RAI14: variants seen among roughly 807,000 people sequenced by gnomAD.
RAI14 encodes the protein ankycorbin.
Under a neutral mutation model 115.4 loss-of-function variants are expected in RAI14, and 45 were observed. The ratio of observed to expected loss-of-function variants is 0.39; its 90% CI spans 0.31 to 0.50. The LOEUF is 0.50. Among genes scored for constraint, RAI14 ranks in the 20% least tolerant of loss-of-function variants. The probability of loss-of-function intolerance (pLI) is 0.85; values close to 1 mark genes in which losing one functional copy is unlikely to be tolerated. For synonymous variants in RAI14, 371 were observed against 415.4 expected (o/e 0.89, Z 1.30); for missense variants, 939 against 1,131.2 (o/e 0.83, Z 2.44).
intron 2 of RAI14, among the ~76,000 whole-genome samples, chr5:34,752,763 A>ATG (rs1747279709): frequency 2.4e-5 from 3 of 125,320 alleles, no homozygotes; most frequent in South Asian, 2.3e-4. Flanking sequence ...ATATATATAT[A>ATG]TATGTATCTT....
intron 2 of RAI14, among the ~76,000 whole-genome samples, chr5:34,704,057 C>G (rs6874899): frequency 0.025 from 3,800 of 152,254 alleles, 140 homozygotes; most frequent in African/African-American, 0.087. Context: ...TCTGGAAGTG[C>G]GGCCCAGTGA....
chr5:34,685,829 GC>G (rs1274328247), intron 1 of RAI14: 12 of 152,162 alleles, frequency 7.9e-5, no homozygotes, highest in Non-Finnish European at 4.4e-5. Context: ...ATGTATACTT[GC>G]TAAAAGATAA....
At chr5:34,691,885 C>A (rs937264668) in intron 2 of RAI14, among the ~76,000 whole-genome samples, 7 of 152,108 alleles carry the variant, frequency 4.6e-5, no homozygotes, top group Admixed American at 3.3e-4. Context: ...TAGCTTTCAG[C>A]CAAGGAAATG....
chr5:34,763,490 G>A (rs903945955), intron 3 of RAI14, among the ~76,000 whole-genome samples: 1 of 152,182 alleles, frequency 6.6e-6, no homozygotes, highest in Non-Finnish European at 1.5e-5. Flanking sequence ...ATGCTTAAAT[G>A]TTGTGTTTCA....
intron 2 of RAI14, among the ~76,000 whole-genome samples, chr5:34,695,134 A>G (rs1739066450): frequency 6.6e-6 from 1 of 152,098 alleles, no homozygotes; most frequent in Admixed American, 6.5e-5. Flanking sequence ...TCCTGACCTC[A>G]GGTGATTTGC....
intron 4 of RAI14, among the ~76,000 whole-genome samples, chr5:34,796,765 G>C (rs1381999392): frequency 2.0e-5 from 3 of 152,002 alleles, no homozygotes; most frequent in African/African-American, 7.3e-5. Flanking sequence ...CTGTACTTCA[G>C]GGCATCCAGT....
chr5:34,726,828 G>C (rs62355681), intron 2 of RAI14, among the ~76,000 whole-genome samples: 85,357 of 151,970 alleles, frequency 0.56, 24,610 homozygotes, highest in African/African-American at 0.68. Context: ...TGAGGTCTCC[G>C]CAGTCATGCG....
intron 2 of RAI14, among the ~76,000 whole-genome samples, chr5:34,724,905 C>A (rs1333449661): frequency 2.0e-5 from 3 of 152,106 alleles, no homozygotes; most frequent in African/African-American, 7.2e-5. Flanking sequence ...ATTGAAGTTG[C>A]TTTTCTAAGG....
At chr5:34,675,174 C>T (rs182195799) in intron 1 of RAI14, among the ~76,000 whole-genome samples, 1,586 of 152,298 alleles carry the variant, frequency 0.01, 19 homozygotes, top group Non-Finnish European at 0.015. Context: ...GGATTATAGG[C>T]GTGAGCCTCC....
At chr5:34,811,214 A>G in intron 8 of RAI14, 96 bp downstream of exon 8, 2 of 1,384,164 alleles carry the variant, frequency 1.4e-6, no homozygotes, top group East Asian at 4.6e-5. Flanking sequence ...ATCATTTGTT[A>G]TAAGGGATTT....
At chr5:34,783,806 A>G (rs1308306431) in intron 3 of RAI14, among the ~76,000 whole-genome samples, 1 of 152,262 alleles carries the variant, frequency 6.6e-6, no homozygotes, top group East Asian at 1.9e-4. Context: ...AAATGTAGCT[A>G]GAGCTTGGCT....
rs781753807 is a variant in RAI14, at chr5:34,830,711, G to A, written c.2889G>A (p.Gln963=). The A allele has an allele frequency of 7.4e-6, 12 of 1,614,156 alleles. No homozygotes were observed. The highest frequency in any genetic ancestry group is 1.1e-5 in the South Asian group (1 of 91,086). The change falls in exon 18 of 18, where the codon CAG becomes CAA. Residue 963 remains glutamine, a synonymous_variant. Transcript: ENST00000265109. ...AVQGQMDEDV[Q]KVLKQILTMC... is the part of the protein sequence containing the mutation. ...AGGGCCAGATGGATGAAGATGTCCA[G>A]AAAGTACTGAAGCAAATCCTTACCA...
rs1227204028 is a variant in RAI14, at chr5:34,831,988, T to C, written c.*1223T>C. ...AACTTTGAAGCTAAAAACCCTGATA[T>C]GGTAATATTATGGTGCATAGCAGAG... On this transcript the variant is annotated 3_prime_UTR_variant, in exon 18 of 18. Transcript: ENST00000265109. 6.6e-6 allele frequency: 1 copy of C among 152,196 alleles called. No homozygotes were observed. Among genetic ancestry groups the C allele is most frequent in the Non-Finnish European group, 1.5e-5 (1 of 68,042 alleles). The allele number at this position is 152,196 out of a possible 1,614,324, so 9.4% of individuals were successfully genotyped here. A position where few individuals can be genotyped will look rare whatever the true frequency, so the allele number is the denominator to read the frequency against.
rs146417245 is a variant in RAI14 at position 34,747,923 on chromosome 5, A to G, written c.37-9545A>G. Among the ~76,000 whole-genome samples, 1,124 of 152,308 alleles carry G rather than the reference A, an allele frequency of 7.4e-3. 10 individuals carry two copies. Among genetic ancestry groups the G allele is most frequent in the African/African-American group, 0.025 (1,047 of 41,574 alleles). On this transcript the variant is annotated intron_variant, in intron 2 of 17. Coordinates refer to ENST00000265109, the MANE Select transcript of RAI14 (RefSeq NM_015577.3). ...TCCAGTGGAAGGTGGACAGACCTTT[A>G]CAGATACTTTGGAAATACTATTTAA...
At chr5:34,681,902 C>G in intron 1 of RAI14, among the ~76,000 whole-genome samples, 1 of 148,782 alleles carries the variant, frequency 6.7e-6, no homozygotes, top group South Asian at 2.1e-4. Context: ...GTTGCCCAGG[C>G]TGGAGTGCAG....
At chr5:34,711,009 TG>T (rs1436487858) in intron 2 of RAI14, among the ~76,000 whole-genome samples, 3 of 152,150 alleles carry the variant, frequency 2.0e-5, no homozygotes, top group African/African-American at 4.8e-5. Flanking sequence ...AGAGAAGTGA[TG>T]GGGGGTGCTA....
Position 34,698,524 on chromosome 5 carries a change from C to T in RAI14, c.36+11569C>T, listed in dbSNP as rs186587587. Among the ~76,000 whole-genome samples the T allele has an allele frequency of 2.6e-5, 4 of 151,974 alleles. No individual in the cohort carries two copies. In the East Asian group the frequency reaches 7.8e-4, roughly 30 times the overall value. On this transcript the variant is annotated intron_variant, in intron 2 of 17. Coordinates refer to ENST00000265109, the MANE Select transcript of RAI14 (RefSeq NM_015577.3). The stretch of plus-strand genomic sequence containing the variant: ...CATTCACAGTGACTCTGGTGTGTGG[C>T]CATTCAACATCGCAGGAGTTTAGAG...
chr5:34,795,013 C>G (rs1753341472), intron 3 of RAI14, among the ~76,000 whole-genome samples: 1 of 152,220 alleles, frequency 6.6e-6, no homozygotes, highest in Non-Finnish European at 1.5e-5. Flanking sequence ...GCTCATTAAC[C>G]TCTCTATAGG....
chr5:34,667,470 A>G lies in RAI14; in HGVS notation c.-49+10995A>G, dbSNP rs1743306926. 4 of 152,204 alleles carry G rather than the reference A, an allele frequency of 2.6e-5. No individual in the cohort carries two copies. In the South Asian group the frequency reaches 8.3e-4, roughly 31 times the overall value. The allele number at this position is 152,204 out of a possible 1,614,324, so 9.4% of individuals were successfully genotyped here. A position where few individuals can be genotyped will look rare whatever the true frequency, so the allele number is the denominator to read the frequency against. ...GGGCTGGTCTCAAACTCCTGAGCTCAAGCAATCCGCCTGCTGTGGCCTCCC... is the reference window on the plus strand; with the variant it reads ...GGGCTGGTCTCAAACTCCTGAGCTCGAGCAATCCGCCTGCTGTGGCCTCCC... On this transcript the variant is annotated intron_variant, in intron 1 of 17. Coordinates refer to ENST00000265109, the MANE Select transcript of RAI14 (RefSeq NM_015577.3).
Sources: allele counts gnomAD v4.1 joint callset (sites outside exome capture counted in the v4.1 genomes callset), GRCh38; gene constraint gnomAD v4.1.1; transcripts MANE v1.5; gene names NCBI Gene and HGNC (gene_info 2026-07-23, HGNC 2026-07-21).